ASXL3: variants seen among roughly 807,000 people sequenced by gnomAD.
ASXL3 encodes the protein putative Polycomb group protein ASXL3.
A neutral mutation model predicts 170.6 loss-of-function variants in ASXL3; 34 were observed. That is an observed-to-expected ratio of 0.20 (90% CI 0.15 to 0.27). The LOEUF (loss-of-function observed/expected upper bound fraction) is 0.27. Ranked by LOEUF, ASXL3 falls within the 10% of genes least tolerant of loss-of-function variation. ASXL3 has a pLI of 1.00. For missense variants in ASXL3, 2,592 were observed against 2,695.3 expected (o/e 0.96, Z 0.85); for synonymous variants, 1,002 against 989.1 (o/e 1.01, Z -0.24).
intron 4 of ASXL3, among the ~76,000 whole-genome samples, chr18:33,652,603 C>CAAAAAAAAAAAAAAAAAAA (rs554834298): frequency 6.7e-4 from 75 of 112,298 alleles, no homozygotes; most frequent in African/African-American, 1.4e-3. Flanking sequence ...TCTGTTGGGG[C>CAAAAAAAAAAAAAAAAAAA]AAAAAAAAAA....
intron 8 of ASXL3, among the ~76,000 whole-genome samples, chr18:33,689,777 A>G (rs1328804159): frequency 6.6e-6 from 1 of 152,070 alleles, no homozygotes; most frequent in African/African-American, 2.4e-5. Flanking sequence ...TCCCTTTTGT[A>G]ATTAAATAGT....
chr18:33,749,696 A>G lies in ASXL3; in HGVS notation c.*3101A>G, dbSNP rs981215902. The G allele has an allele frequency of 6.6e-6, 1 of 152,138 alleles. No homozygotes were observed. The highest frequency in any genetic ancestry group is 1.5e-5 in the Non-Finnish European group (1 of 68,028). The allele number at this position is 152,138 out of a possible 1,614,324, so 9.4% of individuals were successfully genotyped here. On this transcript the variant is annotated 3_prime_UTR_variant, in exon 12 of 12. Transcript: ENST00000269197. ...TTGGTGAACTGAGCACCATAGTTAT[A>G]TAATATTTCCCTGCGAAGGTCTAGT...
chr18:33,745,873 A>T lies in ASXL3; in HGVS notation c.6025A>T (p.Met2009Leu), dbSNP rs766950276. The change falls in exon 12 of 12, where the codon ATG (methionine) becomes TTG (leucine). Residue 2009 changes from methionine (M) to leucine (L), a missense_variant. By Grantham distance (15) the Met-to-Leu change is conservative. Transcript: ENST00000269197. ...GDEVGGTAHT[M>L]PNKALVHPPP... is the part of the protein sequence containing the mutation. ...TGAGGTGGGAGGCACTGCACACACA[A>T]TGCCAAACAAAGCACTAGTACATCC... is the stretch of plus-strand genomic sequence containing the variant. 4 of 1,613,586 alleles carry T rather than the reference A, an allele frequency of 2.5e-6. No individual in the cohort carries two copies. The highest frequency in any genetic ancestry group is 2.5e-6 in the Non-Finnish European group (3 of 1,179,842).
rs73422891 is a variant in ASXL3 at position 33,676,431 on chromosome 18, T to C, written c.715+4565T>C. On this transcript the variant is annotated intron_variant, in intron 7 of 11. Transcript: ENST00000269197. ...TGAGTAGCCCACTGATTGAATAGAC[T>C]TGGTCACGGGGTGAGTGCAGTTGAA... Among the ~76,000 whole-genome samples the C allele has an allele frequency of 9.9e-3, 1,507 of 152,114 alleles. 26 individuals are homozygous for C. Among genetic ancestry groups the C allele is most frequent in the African/African-American group, 0.034 (1,396 of 41,496 alleles).
In ASXL3 at chr18:33,653,950, A is replaced by G. The variant is rs868396664; in HGVS notation, c.355+7597A>G. Reference sequence around the variant, plus strand: ...CAAATGACTTATCCCAACTCTTTCAAACATTACTTACAGACACTTTTCATT... The same window carrying G: ...CAAATGACTTATCCCAACTCTTTCAGACATTACTTACAGACACTTTTCATT... On this transcript the variant is annotated intron_variant, in intron 4 of 11. Coordinates refer to ENST00000269197, the MANE Select transcript of ASXL3 (RefSeq NM_030632.3). Among the ~76,000 whole-genome samples, 10 of 152,006 alleles carry G rather than the reference A, an allele frequency of 6.6e-5. No individual in the cohort carries two copies. In the South Asian group the frequency reaches 1.2e-3, roughly 19 times the overall value.
intron 8 of ASXL3, among the ~76,000 whole-genome samples, chr18:33,685,881 C>T (rs1362412606): frequency 1.3e-5 from 2 of 152,292 alleles, no homozygotes; most frequent in East Asian, 3.9e-4. Context: ...GAGAGATCTG[C>T]CCCCATGAGC....
intron 1 of ASXL3, among the ~76,000 whole-genome samples, chr18:33,602,353 A>G (rs2065192546): frequency 6.6e-6 from 1 of 152,108 alleles, no homozygotes; most frequent in Non-Finnish European, 1.5e-5. Flanking sequence ...AATTGTTAGT[A>G]TCATCTTTAA....
chr18:33,582,721 T>C (rs905247019), intron 1 of ASXL3, among the ~76,000 whole-genome samples: 1 of 149,674 alleles, frequency 6.7e-6, no homozygotes, highest in Non-Finnish European at 1.5e-5. Context: ...TGTGTGTGTG[T>C]GTGTGTGTGT....
chr18:33,646,206 C>T, intron 3 of ASXL3, 39 bp from the exon 4 acceptor site: 1 of 1,526,174 alleles, frequency 6.6e-7, no homozygotes, highest in Non-Finnish European at 9.1e-7. Context: ...GTTGCTAATA[C>T]ATCTTCTCCA....
chr18:33,597,793 CAAA>C (rs34304405), intron 1 of ASXL3, among the ~76,000 whole-genome samples: 2 of 132,596 alleles, frequency 1.5e-5, no homozygotes, highest in African/African-American at 2.7e-5. Flanking sequence ...CTCTCATCTA[CAAA>C]AAAAAAAAAA....
intron 4 of ASXL3, among the ~76,000 whole-genome samples, chr18:33,650,768 T>C (rs2065985244): frequency 6.6e-6 from 1 of 152,150 alleles, no homozygotes. Context: ...GGAAATTACT[T>C]TGGGAAAGCA....
intron 7 of ASXL3, among the ~76,000 whole-genome samples, chr18:33,677,535 G>T (rs2066447919): frequency 1.3e-5 from 2 of 152,126 alleles, no homozygotes; most frequent in African/African-American, 4.8e-5. Context: ...ACTGAAATAA[G>T]AGTGATTACC....
intron 2 of ASXL3, among the ~76,000 whole-genome samples, chr18:33,628,886 G>GA (rs1285701520): frequency 6.6e-6 from 1 of 152,124 alleles, no homozygotes; most frequent in African/African-American, 2.4e-5. Context: ...TTCATCTTTG[G>GA]ATGGAGTTTG....
intron 8 of ASXL3, among the ~76,000 whole-genome samples, chr18:33,687,161 T>A (rs144463462): frequency 1.3e-5 from 2 of 152,334 alleles, no homozygotes; most frequent in African/African-American, 4.8e-5. Flanking sequence ...TGTGGGCCTG[T>A]CAGCATTTTA....
intron 2 of ASXL3, among the ~76,000 whole-genome samples, chr18:33,631,334 T>C (rs1296634260): frequency 6.6e-6 from 1 of 151,988 alleles, no homozygotes; most frequent in Non-Finnish European, 1.5e-5. Flanking sequence ...AAAATCAGAG[T>C]TAAAGCAACC....
At chr18:33,663,207 G>C (rs2066204817) in intron 5 of ASXL3, among the ~76,000 whole-genome samples, 2 of 152,142 alleles carry the variant, frequency 1.3e-5, no homozygotes, top group South Asian at 4.1e-4. Context: ...CAAATAAGAT[G>C]CAGGTAATAA....
intron 2 of ASXL3, among the ~76,000 whole-genome samples, chr18:33,635,602 A>G (rs1339736947): frequency 1.3e-5 from 2 of 152,200 alleles, no homozygotes; most frequent in South Asian, 2.1e-4. Context: ...ACCAATTTCT[A>G]TGACCAAGTA....
chr18:33,646,220 A>G (rs1265258854), intron 3 of ASXL3, 25 bp from the exon 4 acceptor site: 2 of 1,585,968 alleles, frequency 1.3e-6, no homozygotes, highest in East Asian at 4.5e-5. Context: ...TTCTCCATAA[A>G]TCATCACTTT....
intron 8 of ASXL3, 97 bp from the exon 9 acceptor site, chr18:33,731,871 C>A: frequency 1.2e-6 from 1 of 823,510 alleles, no homozygotes; most frequent in Admixed American, 2.3e-5. Context: ...CTCACACATA[C>A]ACTGCCCAAC....
Sources: gnomAD v4.1 joint callset for allele counts (sites outside exome capture counted in the v4.1 genomes callset) on GRCh38, gnomAD v4.1.1 for gene constraint, MANE v1.5 for transcripts, NCBI Gene and HGNC (gene_info 2026-07-23, HGNC 2026-07-21) for gene names.